FFAR4: variants seen among roughly 807,000 people sequenced by gnomAD.
FFAR4 encodes the protein free fatty acid receptor 4, also known as G-protein coupled receptor 120.
In FFAR4, 19 loss-of-function variants were observed where a neutral mutation model predicts 27.0. The observed-to-expected ratio is 0.70, with a 90% CI of 0.49 to 1.03. The LOEUF is 1.03. FFAR4 is among the 50% of genes least tolerant of loss of function. The pLI, the probability that FFAR4 is intolerant of heterozygous loss-of-function variation, is 0.00. For missense variants in FFAR4, 476 were observed against 479.0 expected (o/e 0.99, Z 0.06); for synonymous variants, 254 against 215.6 (o/e 1.18, Z -1.56).
At chr10:93,585,788 T>C (rs537903980) in intron 2 of FFAR4, among the ~76,000 whole-genome samples, 2 of 152,324 alleles carry the variant, frequency 1.3e-5, no homozygotes, top group South Asian at 2.1e-4. Context: ...CTCCAACCCA[T>C]GGGCAGGCCC....
intron 2 of FFAR4, among the ~76,000 whole-genome samples, chr10:93,576,882 T>C (rs1032504215): frequency 6.6e-6 from 1 of 152,208 alleles, no homozygotes; most frequent in African/African-American, 2.4e-5. Context: ...TATTGAAGTA[T>C]TATATACATA....
At chr10:93,579,129 A>C (rs748284619) in intron 2 of FFAR4, 1 of 1,611,984 alleles carries the variant, frequency 6.2e-7, no homozygotes, top group Admixed American at 1.7e-5. Flanking sequence ...GTCTAAACCC[A>C]CAGCCGGCCT....
chr10:93,581,764 C>T (rs1321561424), intron 2 of FFAR4, among the ~76,000 whole-genome samples: 3 of 152,134 alleles, frequency 2.0e-5, no homozygotes, highest in East Asian at 1.9e-4. Flanking sequence ...CCACACAATC[C>T]GAATGTCTGA....
chr10:93,566,740 G>C lies in FFAR4; in HGVS notation c.20G>C (p.Arg7Pro), dbSNP rs1361352067. The C allele has an allele frequency of 6.3e-7, 1 of 1,599,366 alleles. No individual in the cohort carries two copies. The highest frequency in any genetic ancestry group is 8.5e-7 in the Non-Finnish European group (1 of 1,176,156). Residue 7 changes from arginine to proline, a missense_variant, in exon 1 of 3, where the codon CGG becomes CCG. Arg to Pro is a moderately radical substitution (Grantham distance 103). Coordinates refer to ENST00000371481, the MANE Select transcript of FFAR4 (RefSeq NM_001195755.2). MSPECA[R>P]AAGDAPLRSL... ...CCGGGAATGTCCCCTGAATGCGCGC[G>C]GGCAGCGGGCGACGCGCCCTTGCGC...
intron 2 of FFAR4, among the ~76,000 whole-genome samples, chr10:93,578,416 CAAAAAAA>C (rs762326870): frequency 1.7e-5 from 1 of 60,200 alleles, no homozygotes; most frequent in Non-Finnish European, 3.3e-5. Context: ...GATTCCCTCT[CAAAAAAA>C]AAAAAAAAAA....
intron 1 of FFAR4, among the ~76,000 whole-genome samples, chr10:93,569,751 G>T (rs1164369583): frequency 6.7e-6 from 1 of 148,442 alleles, no homozygotes; most frequent in Non-Finnish European, 1.5e-5. Context: ...AGGTGGGAAA[G>T]CTTGAAATTA....
chr10:93,575,279 A>T (rs939127927), intron 1 of FFAR4, among the ~76,000 whole-genome samples: 1 of 152,254 alleles, frequency 6.6e-6, no homozygotes, highest in Non-Finnish European at 1.5e-5. Context: ...AAGTTAGTAT[A>T]TACAGACACA....
chr10:93,583,157 C>G (rs1184683925), intron 2 of FFAR4, among the ~76,000 whole-genome samples: 1 of 150,342 alleles, frequency 6.7e-6, no homozygotes, highest in Non-Finnish European at 1.5e-5. Context: ...AATCCTAGCA[C>G]TTTGGGAGGC....
intron 2 of FFAR4, among the ~76,000 whole-genome samples, chr10:93,584,181 T>G (rs1010796336): frequency 6.6e-6 from 1 of 152,250 alleles, no homozygotes; most frequent in Non-Finnish European, 1.5e-5. Flanking sequence ...ACATAATGAC[T>G]TCCAGACTTG....
chr10:93,587,496 CTG>C lies in FFAR4; in HGVS notation c.976_977del (p.Cys326GlnfsTer3). On this transcript the variant is annotated frameshift_variant, in exon 3 of 3. Coordinates refer to ENST00000371481, the MANE Select transcript of FFAR4 (RefSeq NM_001195755.2). LOFTEE classifies it high-confidence loss of function. ...ALNPILYNMT[L>X]CRNEWKKIFC... ...AAACCCCATCCTCTACAACATGACA[CTG>C]TGCAGGAATGAGTGGAAGAAAATTT... The C allele has an allele frequency of 8.1e-6, 13 of 1,614,150 alleles. No individual in the cohort carries two copies. Among genetic ancestry groups the C allele is most frequent in the Non-Finnish European group, 1.1e-5 (13 of 1,180,044 alleles).
intron 1 of FFAR4, among the ~76,000 whole-genome samples, chr10:93,571,117 T>G (rs1295394674): frequency 1.3e-5 from 2 of 152,182 alleles, no homozygotes; most frequent in African/African-American, 4.8e-5. Flanking sequence ...AATAACAGAC[T>G]GCCATTTTAA....
chr10:93,579,019 C>G, intron 2 of FFAR4: 1 of 728,702 alleles, frequency 1.4e-6, no homozygotes. Context: ...TTTCTCAAGG[C>G]CAGGGTCCAC....
rs146389824 is a variant in FFAR4, at chr10:93,577,679, A to C, written c.696+1460A>C. Reference sequence around the variant, plus strand: ...GAGAGAAAAAGGAAGATAAATGTAGAACTTATTTAACAAATATTTACATAG... The same window carrying C: ...GAGAGAAAAAGGAAGATAAATGTAGCACTTATTTAACAAATATTTACATAG... On this transcript the variant is annotated intron_variant, in intron 2 of 2. Coordinates refer to ENST00000371481, the MANE Select transcript of FFAR4 (RefSeq NM_001195755.2). Among the ~76,000 whole-genome samples, 30 of 152,332 alleles carry C rather than the reference A, an allele frequency of 2.0e-4. No homozygotes were observed. The East Asian group carries it at 5.8e-3, about 29-fold the overall frequency.
intron 2 of FFAR4, among the ~76,000 whole-genome samples, chr10:93,581,042 G>T (rs1348201882): frequency 6.6e-6 from 1 of 152,182 alleles, no homozygotes; most frequent in East Asian, 1.9e-4. Flanking sequence ...TGTAACAGTG[G>T]ATGTTTATTG....
In FFAR4 at chr10:93,588,091, TAA is replaced by T. The variant is rs869171566; in HGVS notation, c.*498_*499del. On this transcript the variant is annotated 3_prime_UTR_variant, in exon 3 of 3. Transcript: ENST00000371481. ...GGGCAACAAGAGTGAAACTCCATCT[TAA>T]AAAAAAAAAAAAAAAGATTTGTTAT... The T allele has an allele frequency of 2.7e-4, 37 of 135,006 alleles. No individual in the cohort carries two copies. Among genetic ancestry groups the T allele is most frequent in the Non-Finnish European group, 2.4e-4 (15 of 62,032 alleles). The allele number at this position is 135,006 out of a possible 1,614,324, so 8.4% of individuals were successfully genotyped here. A position where few individuals can be genotyped will look rare whatever the true frequency, so the allele number is the denominator to read the frequency against.
chr10:93,575,973 C>A, intron 1 of FFAR4, 118 bp from the exon 2 acceptor site: 3 of 949,482 alleles, frequency 3.2e-6, no homozygotes, highest in South Asian at 1.5e-5. Flanking sequence ...CACTGTCATG[C>A]TAGTTGTGTA....
rs1429997785 is a variant in FFAR4, at chr10:93,567,194, G to A, written c.474G>A (p.Leu158=). 1 of 1,603,262 alleles carries A rather than the reference G, an allele frequency of 6.2e-7. No individual in the cohort carries two copies. Among genetic ancestry groups the A allele is most frequent in the African/African-American group, 1.3e-5 (1 of 75,020 alleles). The change falls in exon 1 of 3, where the codon CTG becomes CTA. Residue 158 remains leucine, a synonymous_variant. Coordinates refer to ENST00000371481, the MANE Select transcript of FFAR4 (RefSeq NM_001195755.2). ...CTGGGCGGCGGGCGCGGGCAGTGCT[G>A]CTGGCGCTCATCTGGGGCTATTCGG... is the stretch of plus-strand genomic sequence containing the variant. The part of the protein sequence containing the change: ...RGPGRRARAV[L]LALIWGYSAV...
At chr10:93,582,448 A>G (rs112073019) in intron 2 of FFAR4, among the ~76,000 whole-genome samples, 13,515 of 151,406 alleles carry the variant, frequency 0.089, 1,095 homozygotes, top group African/African-American at 0.21. Context: ...GGAGGCTGAG[A>G]CAGGAGAATT....
rs750816599 is a variant in FFAR4 at position 93,587,822 on chromosome 10, A to G, written c.*213A>G. 6.0e-6 allele frequency: 3 copies of G among 497,360 alleles called. No homozygotes were observed. The highest frequency in any genetic ancestry group is 1.1e-5 in the Non-Finnish European group (3 of 280,832). The allele number at this position is 497,360 out of a possible 1,614,324, so 30.8% of individuals were successfully genotyped here. On this transcript the variant is annotated 3_prime_UTR_variant, in exon 3 of 3. Coordinates refer to ENST00000371481, the MANE Select transcript of FFAR4 (RefSeq NM_001195755.2). ...ATTTGTTGGCCAGGTGCAGTGGTTC[A>G]TGCCTGTAATCCCAGCAGTTTGGGA...
Sources: allele counts gnomAD v4.1 joint callset (sites outside exome capture counted in the v4.1 genomes callset), GRCh38; gene constraint gnomAD v4.1.1; transcripts MANE v1.5; gene names NCBI Gene and HGNC (gene_info 2026-07-23, HGNC 2026-07-21).